Variants in ARHGAP20 observed in about 807,000 individuals in gnomAD.
ARHGAP20 encodes the protein rho GTPase-activating protein 20.
In ARHGAP20, 34 loss-of-function variants were observed where a neutral mutation model predicts 73.7. The observed-to-expected ratio is 0.46, with a 90% confidence interval of 0.35 to 0.61. ARHGAP20 has a LOEUF of 0.61. ARHGAP20 is among the 20% of genes least tolerant of loss of function. The pLI, the probability that ARHGAP20 is intolerant of heterozygous loss-of-function variation, is 0.00. For missense variants in ARHGAP20, 1,314 were observed against 1,420.9 expected (o/e 0.92, Z 1.21); for synonymous variants, 523 against 518.2 (o/e 1.01, Z -0.13).
chr11:110,581,098 A>T lies in ARHGAP20; in HGVS notation c.1848T>A (p.Ser616=), dbSNP rs773018055. The T allele has an allele frequency of 2.1e-5, 34 of 1,614,114 alleles. No individual in the cohort carries two copies. The Admixed American group carries it at 5.7e-4, about 27-fold the overall frequency. The change falls in exon 15 of 15, where the codon TCT becomes TCA. Residue 616 remains serine, a synonymous_variant. Transcript: ENST00000683387. ...GATCATAGTCACTGAGGGTTAAGAC[A>T]GAGTCCATGCTTCTGCTCCCCTGGC... The part of the protein sequence containing the change: ...KLGQGSRSMD[S]VLTLSDYDLD...
intron 9 of ARHGAP20, among the ~76,000 whole-genome samples, chr11:110,594,007 C>A (rs1947892333): frequency 6.6e-6 from 1 of 152,208 alleles, no homozygotes; most frequent in Non-Finnish European, 1.5e-5. Context: ...AAGGATTGAT[C>A]TTTTAAAGGA....
At chr11:110,658,808 C>G (rs1435001545) in intron 2 of ARHGAP20, among the ~76,000 whole-genome samples, 3 of 151,382 alleles carry the variant, frequency 2.0e-5, no homozygotes, top group Admixed American at 1.3e-4. Context: ...CTTCGGTTAC[C>G]AGAGCCTGCA....
In ARHGAP20 at chr11:110,586,338, G is replaced by A. The variant is rs1407772183; in HGVS notation, c.1306-13C>T. On this transcript the variant is annotated splice_polypyrimidine_tract_variant and intron_variant, in intron 11 of 14. Transcript: ENST00000683387. Reference sequence around the variant, plus strand: ...TTCGCAGAAAATCCTTAAATAGATGGAAAAACAAATATTTCAAATAATTAT... The same window carrying A: ...TTCGCAGAAAATCCTTAAATAGATGAAAAAACAAATATTTCAAATAATTAT... 6.9e-7 allele frequency: 1 copy of A among 1,444,714 alleles called. No individual in the cohort carries two copies. Among genetic ancestry groups the A allele is most frequent in the Non-Finnish European group, 9.5e-7 (1 of 1,054,680 alleles). The allele number at this position is 1,444,714 out of a possible 1,614,324, so 89.5% of individuals were successfully genotyped here.
chr11:110,635,710 G>C (rs1166311901), intron 2 of ARHGAP20, among the ~76,000 whole-genome samples: 1 of 151,924 alleles, frequency 6.6e-6, no homozygotes. Context: ...TGAAAGAAAA[G>C]GGAAAAGGAG....
chr11:110,591,611 T>C (rs1229728071), intron 10 of ARHGAP20, among the ~76,000 whole-genome samples: 1 of 152,182 alleles, frequency 6.6e-6, no homozygotes, highest in Non-Finnish European at 1.5e-5. Context: ...ATAAAACGGA[T>C]TTAAAAACCT....
intron 4 of ARHGAP20, among the ~76,000 whole-genome samples, chr11:110,621,323 A>G (rs571876719): frequency 9.2e-5 from 14 of 152,198 alleles, no homozygotes; most frequent in Non-Finnish European, 7.4e-5. Context: ...AAATTTAGGT[A>G]GTTTTTAACC....
intron 2 of ARHGAP20, among the ~76,000 whole-genome samples, chr11:110,652,765 T>C (rs983215174): frequency 9.9e-5 from 15 of 152,116 alleles, no homozygotes; most frequent in Non-Finnish European, 1.8e-4. Context: ...AAACATTCCA[T>C]GCTCATGGAT....
chr11:110,588,708 G>C (rs1011978434), intron 11 of ARHGAP20, among the ~76,000 whole-genome samples: 26 of 152,152 alleles, frequency 1.7e-4, no homozygotes, highest in African/African-American at 6.0e-4. Context: ...CTTTGCAATA[G>C]CATCAATAGT....
chr11:110,613,831 CAAAT>C (rs1319454790), intron 6 of ARHGAP20, among the ~76,000 whole-genome samples: 1 of 152,082 alleles, frequency 6.6e-6, no homozygotes, highest in Non-Finnish European at 1.5e-5. Flanking sequence ...TTTCCACACA[CAAAT>C]AAAACTATTC....
chr11:110,698,540 T>C (rs772340265), intron 1 of ARHGAP20, among the ~76,000 whole-genome samples: 2 of 151,916 alleles, frequency 1.3e-5, no homozygotes, highest in Non-Finnish European at 2.9e-5. Context: ...TGAATCTGTC[T>C]GGTCCTGGGC....
intron 3 of ARHGAP20, among the ~76,000 whole-genome samples, chr11:110,626,355 C>T (rs145505645): frequency 7.0e-4 from 107 of 152,266 alleles, no homozygotes; most frequent in Non-Finnish European, 1.3e-3. Context: ...TTATCCACCC[C>T]GATTTCCAAA....
In ARHGAP20 at chr11:110,577,545, TCTGA is replaced by T. The variant is rs1267462756; in HGVS notation, c.*1821_*1824del. On this transcript the variant is annotated 3_prime_UTR_variant, in exon 15 of 15. Transcript: ENST00000683387. ...AAGAGCTTCATTCACATCTTGCAGT[TCTGA>T]CTGACAGTAGTATGCCCTAAGGGAA... The T allele has an allele frequency of 8.1e-6, 8 of 992,208 alleles. No homozygotes were observed. Among genetic ancestry groups the T allele is most frequent in the East Asian group, 1.1e-4 (1 of 9,162 alleles). 61.5% of individuals were successfully genotyped at this position (992,208 alleles called of 1,614,324 possible). A position where few individuals can be genotyped will look rare whatever the true frequency, so the allele number is the denominator to read the frequency against.
intron 2 of ARHGAP20, among the ~76,000 whole-genome samples, chr11:110,635,492 C>T (rs1285768731): frequency 1.3e-5 from 2 of 152,082 alleles, no homozygotes; most frequent in Non-Finnish European, 2.9e-5. Flanking sequence ...TAGTGTATTC[C>T]AAGTAAGTAT....
At chr11:110,585,008 T>C (rs1039727465) in intron 12 of ARHGAP20, among the ~76,000 whole-genome samples, 2 of 134,970 alleles carry the variant, frequency 1.5e-5, no homozygotes, top group African/African-American at 5.2e-5. Flanking sequence ...TATATGAATA[T>C]GTATGTGAAC....
At chr11:110,687,007 C>T (rs1479944134) in intron 2 of ARHGAP20, among the ~76,000 whole-genome samples, 1 of 143,068 alleles carries the variant, frequency 7.0e-6, no homozygotes, top group Non-Finnish European at 1.5e-5. Context: ...TCTAGAGAAA[C>T]TTGCAGGAAA....
At chr11:110,597,313 A>T in intron 9 of ARHGAP20, among the ~76,000 whole-genome samples, 1 of 151,690 alleles carries the variant, frequency 6.6e-6, no homozygotes, top group Non-Finnish European at 1.5e-5. Flanking sequence ...AAAAACTGAA[A>T]AGGAAACTAA....
At chr11:110,635,096 C>A (rs191329298) in intron 2 of ARHGAP20, among the ~76,000 whole-genome samples, 105 of 152,154 alleles carry the variant, frequency 6.9e-4, no homozygotes, top group South Asian at 4.8e-3. Flanking sequence ...TATGGCTTAT[C>A]TATGTTTCTT....
chr11:110,641,767 A>G (rs920260348), intron 2 of ARHGAP20, among the ~76,000 whole-genome samples: 6 of 152,082 alleles, frequency 3.9e-5, no homozygotes, highest in African/African-American at 1.2e-4. Flanking sequence ...AGAAGAATCA[A>G]TAGAAACAGA....
chr11:110,696,176 G>A (rs937816983), intron 1 of ARHGAP20, among the ~76,000 whole-genome samples: 2 of 151,588 alleles, frequency 1.3e-5, no homozygotes, highest in Non-Finnish European at 3.0e-5. Flanking sequence ...AGCAGAATTG[G>A]GAGATGATAG....
Sources: gnomAD v4.1 joint callset for allele counts (sites outside exome capture counted in the v4.1 genomes callset) on GRCh38, gnomAD v4.1.1 for gene constraint, MANE v1.5 for transcripts, NCBI Gene and HGNC (gene_info 2026-07-23, HGNC 2026-07-21) for gene names.